The following RAB3C variants were observed in gnomAD, a reference collection of about 807,000 sequenced individuals.
RAB3C encodes the protein ras-related protein Rab-3C.
RAB3C carries 17 observed loss-of-function variants against 26.4 expected under a neutral mutation model. That is an observed-to-expected ratio of 0.64 (90% confidence interval 0.44 to 0.97). RAB3C has a LOEUF of 0.97. Ranked by LOEUF, RAB3C falls within the 50% of genes least tolerant of loss-of-function variation. The pLI, the probability that RAB3C is intolerant of heterozygous loss-of-function variation, is 0.00. For missense variants in RAB3C, 242 were observed against 281.9 expected (o/e 0.86, Z 1.01); for synonymous variants, 91 against 95.9 (o/e 0.95, Z 0.30).
At chr5:58,676,540 A>C (rs1360681076) in intron 2 of RAB3C, among the ~76,000 whole-genome samples, 1 of 152,020 alleles carries the variant, frequency 6.6e-6, no homozygotes, top group African/African-American at 2.4e-5. Context: ...TGCCACCCCA[A>C]ATTCTCAACA....
At chr5:58,842,499 C>T (rs780105805) in intron 4 of RAB3C, among the ~76,000 whole-genome samples, 4 of 152,196 alleles carry the variant, frequency 2.6e-5, no homozygotes, top group African/African-American at 4.8e-5. Context: ...CCGTGTAAGC[C>T]ATTAGAATAG....
intron 3 of RAB3C, among the ~76,000 whole-genome samples, chr5:58,754,342 C>T (rs1468645538): frequency 7.2e-6 from 1 of 138,256 alleles, no homozygotes; most frequent in Non-Finnish European, 1.6e-5. Context: ...GTCGGAAGGG[C>T]ACGCTCCTTA....
intron 3 of RAB3C, among the ~76,000 whole-genome samples, chr5:58,809,073 G>A (rs527529045): frequency 3.7e-4 from 57 of 152,274 alleles, no homozygotes; most frequent in African/African-American, 1.3e-3. Context: ...CAAAAGCCCA[G>A]CAAAATTCAA....
intron 3 of RAB3C, among the ~76,000 whole-genome samples, chr5:58,772,887 A>T (rs1325351449): frequency 6.6e-6 from 1 of 152,184 alleles, no homozygotes; most frequent in Non-Finnish European, 1.5e-5. Flanking sequence ...ACAAAGAAAA[A>T]TCATGTTGCA....
intron 3 of RAB3C, among the ~76,000 whole-genome samples, chr5:58,796,320 G>C (rs1231813253): frequency 6.6e-6 from 1 of 152,172 alleles, no homozygotes; most frequent in African/African-American, 2.4e-5. Flanking sequence ...TTAGAGAAAT[G>C]CTAAGTTGGG....
At chr5:58,670,973 A>G (rs1338007414) in intron 2 of RAB3C, among the ~76,000 whole-genome samples, 4 of 152,080 alleles carry the variant, frequency 2.6e-5, no homozygotes, top group Non-Finnish European at 5.9e-5. Flanking sequence ...AGGCAGTTGG[A>G]GTAGGGGATA....
chr5:58,749,974 G>A (rs1741486454), intron 3 of RAB3C, among the ~76,000 whole-genome samples: 1 of 152,058 alleles, frequency 6.6e-6, no homozygotes, highest in Non-Finnish European at 1.5e-5. Context: ...TAGAGCATGA[G>A]ATGTCATTCA....
At position 58,746,212 on chromosome 5, in the gene RAB3C, A is replaced by C. The variant is rs530429900; in HGVS notation, c.371+20092A>C. Among the ~76,000 whole-genome samples, 4 of 152,290 alleles carry C rather than the reference A, an allele frequency of 2.6e-5. No individual in the cohort carries two copies. In the East Asian group the frequency reaches 7.7e-4, roughly 29 times the overall value. On this transcript the variant is annotated intron_variant, in intron 3 of 4. Coordinates refer to ENST00000282878, the MANE Select transcript of RAB3C (RefSeq NM_138453.4). ...GAAGGGTCTTTTTGTTCCTTTGCTG[A>C]AGCAAAGGAAACTACCTCTCACTCC...
chr5:58,740,672 T>C, intron 3 of RAB3C, among the ~76,000 whole-genome samples: 1 of 151,976 alleles, frequency 6.6e-6, no homozygotes, highest in East Asian at 1.9e-4. Context: ...ATACAAAAAT[T>C]AGCTGGATGT....
At chr5:58,687,216 C>A (rs1296323558) in intron 2 of RAB3C, among the ~76,000 whole-genome samples, 1 of 152,072 alleles carries the variant, frequency 6.6e-6, no homozygotes, top group East Asian at 1.9e-4. Flanking sequence ...ACCAAAATAA[C>A]CTGCTATCTT....
intron 2 of RAB3C, among the ~76,000 whole-genome samples, chr5:58,697,983 TG>T (rs1748755484): frequency 6.6e-6 from 1 of 152,216 alleles, no homozygotes; most frequent in Non-Finnish European, 1.5e-5. Flanking sequence ...CTGGTTATTT[TG>T]TCCGTTAATT....
chr5:58,815,730 G>C (rs1198789708), intron 3 of RAB3C: 2 of 152,140 alleles, frequency 1.3e-5, no homozygotes, highest in Non-Finnish European at 2.9e-5. Context: ...TACTGTTTGA[G>C]TACCTTCTAT....
intron 2 of RAB3C, among the ~76,000 whole-genome samples, chr5:58,639,182 T>C (rs181331312): frequency 8.5e-5 from 13 of 152,338 alleles, no homozygotes; most frequent in Non-Finnish European, 1.8e-4. Flanking sequence ...GAAACACCCT[T>C]GCTCATTGAA....
At chr5:58,801,148 T>TTC (rs5868135) in intron 3 of RAB3C, among the ~76,000 whole-genome samples, 95,750 of 151,732 alleles carry the variant, frequency 0.63, 30,635 homozygotes, top group South Asian at 0.72. Flanking sequence ...CTGGGTTGCT[T>TTC]TCTTTCTTGG....
chr5:58,781,199 C>A (rs995302854), intron 3 of RAB3C, among the ~76,000 whole-genome samples: 1 of 152,080 alleles, frequency 6.6e-6, no homozygotes, highest in African/African-American at 2.4e-5. Flanking sequence ...TCATCAGTGT[C>A]CCACCTGACT....
chr5:58,673,424 TC>T (rs1409889333), intron 2 of RAB3C, among the ~76,000 whole-genome samples: 1 of 151,228 alleles, frequency 6.6e-6, no homozygotes, highest in African/African-American at 2.4e-5. Context: ...GCGGTTTCTT[TC>T]TTCTTCTCAA....
chr5:58,696,223 G>A (rs1028521336), intron 2 of RAB3C, among the ~76,000 whole-genome samples: 3 of 152,100 alleles, frequency 2.0e-5, no homozygotes, highest in Non-Finnish European at 4.4e-5. Context: ...GATGAATTAC[G>A]TTTATTGATT....
intron 4 of RAB3C, chr5:58,846,891 C>A (rs1367966412): frequency 6.6e-6 from 1 of 151,950 alleles, no homozygotes; most frequent in Non-Finnish European, 1.5e-5. Context: ...CAAAACCTTT[C>A]CAAGCTTTTA....
intron 3 of RAB3C, among the ~76,000 whole-genome samples, chr5:58,738,081 G>A (rs1191198362): frequency 6.6e-6 from 1 of 152,144 alleles, no homozygotes; most frequent in Non-Finnish European, 1.5e-5. Context: ...AACGAAAGAT[G>A]CCATGTAACC....
Sources: allele counts gnomAD v4.1 joint callset (sites outside exome capture counted in the v4.1 genomes callset), GRCh38; gene constraint gnomAD v4.1.1; transcripts MANE v1.5; gene names NCBI Gene and HGNC (gene_info 2026-07-23, HGNC 2026-07-21).